The following FANCB variants were observed in gnomAD, a reference collection of about 807,000 sequenced individuals.
FANCB encodes FA complementation group B.
A neutral mutation model predicts 38.9 loss-of-function variants in FANCB; 5 were observed. That is an observed-to-expected ratio of 0.13 (90% CI 0.07 to 0.27). FANCB has a LOEUF of 0.27. Ranked by LOEUF, FANCB falls within the 10% of genes least tolerant of loss-of-function variation. The pLI is 1.00. For missense variants in FANCB, 573 were observed against 602.7 expected (o/e 0.95, Z 0.52); for synonymous variants, 236 against 215.4 (o/e 1.10, Z -0.84).
At chrX:14,702,110 G>A in the FANCB span, among the ~76,000 whole-genome samples, 12 of 111,745 alleles carry the variant, frequency 1.1e-4, no homozygotes, top group Admixed American at 6.6e-4. Context: ...CTGAGGAAAC[G>A]GTTATGCAGA....
chrX:14,706,395 ATACTAT>A, the FANCB span, among the ~76,000 whole-genome samples: 1 of 112,604 alleles, frequency 8.9e-6, no homozygotes, highest in Non-Finnish European at 1.9e-5. Flanking sequence ...AAAACAAGGC[ATACTAT>A]TACTATTAAG....
At chrX:14,765,096 T>C in the FANCB span, among the ~76,000 whole-genome samples, 1 of 112,224 alleles carries the variant, frequency 8.9e-6, no homozygotes, top group Non-Finnish European at 1.9e-5. Flanking sequence ...TATCTGAAAT[T>C]CAAATTTAAC....
intron 3 of FANCB, among the ~76,000 whole-genome samples, chrX:14,860,834 A>G (rs2092443513): frequency 9.0e-6 from 1 of 111,289 alleles, no homozygotes; most frequent in African/African-American, 3.3e-5. Context: ...ACAACACACC[A>G]ATAGCTATGC....
rs148257882 is a variant in FANCB, at chrX:14,843,736, T to C, written c.2411A>G (p.Asp804Gly). Residue 804 changes from aspartate (D) to glycine (G), a missense_variant, in exon 10 of 10, where the codon GAC (aspartate) becomes GGC (glycine). Physicochemically the swap from Asp to Gly is moderately conservative, Grantham distance 94 (BLOSUM62 -1). Coordinates refer to ENST00000650831, the MANE Select transcript of FANCB (RefSeq NM_001018113.3). ...GTAGGGATGGATATTTTCCCTTCTG[T>C]CTGATAAAGCAGCCGCGACGACACT... The part of the protein sequence containing the change: ...KSSVVAAALS[D>G]RRENIHPYRK... 4.7e-5 allele frequency: 57 copies of C among 1,209,400 alleles called. No individual in the cohort carries two copies. The highest frequency in any genetic ancestry group is 4.2e-4 in the African/African-American group (24 of 57,074).
chrX:14,859,903 G>A (rs1316220343), intron 3 of FANCB, among the ~76,000 whole-genome samples: 1 of 111,317 alleles, frequency 9.0e-6, no homozygotes, highest in African/African-American at 3.3e-5. Flanking sequence ...ATAGAGTCAA[G>A]ATGAGCTTAA....
At chrX:14,800,254 G>A in the FANCB span, among the ~76,000 whole-genome samples, 2 of 111,817 alleles carry the variant, frequency 1.8e-5, no homozygotes, top group African/African-American at 3.2e-5. Flanking sequence ...ATGGAAGGCC[G>A]ACAAACTGTT....
At chrX:14,842,626 A>G (rs905585237), downstream of FANCB, among the ~76,000 whole-genome samples, 9 of 112,004 alleles carry the variant, frequency 8.0e-5, no homozygotes, top group African/African-American at 2.9e-4. Context: ...CCCCTTATAA[A>G]TCACTTCTTA....
At chrX:14,794,053 T>G in the FANCB span, among the ~76,000 whole-genome samples, 1 of 111,848 alleles carries the variant, frequency 8.9e-6, no homozygotes, top group African/African-American at 3.2e-5. Context: ...TTGTTTGTTT[T>G]TTGTAGGCTC....
At chrX:14,829,535 G>A in the FANCB span, among the ~76,000 whole-genome samples, 1 of 110,994 alleles carries the variant, frequency 9.0e-6, no homozygotes, top group African/African-American at 3.3e-5. Context: ...TGTTTAGTAT[G>A]GCTACCTTTA....
intron 7 of FANCB, among the ~76,000 whole-genome samples, chrX:14,850,167 C>T (rs193129145): frequency 3.6e-4 from 40 of 111,141 alleles, no homozygotes; most frequent in African/African-American, 1.2e-3. Flanking sequence ...CTGGCCAACA[C>T]GGCAAAACTC....
chrX:14,851,778 CA>C (rs746944435), intron 6 of FANCB, among the ~76,000 whole-genome samples: 5 of 112,294 alleles, frequency 4.5e-5, no homozygotes, highest in African/African-American at 1.6e-4. Flanking sequence ...ACAATTTTAA[CA>C]ATGACTTTCA....
the FANCB span, among the ~76,000 whole-genome samples, chrX:14,733,365 T>A: frequency 1.8e-5 from 2 of 111,922 alleles, no homozygotes; most frequent in Non-Finnish European, 3.8e-5. Context: ...TCTTTTTTGG[T>A]TCCATATGAA....
chrX:14,847,651 GAA>G (rs755588273), intron 7 of FANCB, among the ~76,000 whole-genome samples: 1 of 90,475 alleles, frequency 1.1e-5, no homozygotes. Context: ...TCTAAAGGAG[GAA>G]AAAAAAAAAA....
chrX:14,704,592 T>C, the FANCB span, among the ~76,000 whole-genome samples: 2 of 112,048 alleles, frequency 1.8e-5, no homozygotes, highest in Admixed American at 1.9e-4. Context: ...GGGGACAATA[T>C]GCTTAAATGG....
At chrX:14,808,479 T>C in the FANCB span, among the ~76,000 whole-genome samples, 4 of 112,110 alleles carry the variant, frequency 3.6e-5, no homozygotes, top group Non-Finnish European at 5.6e-5. Flanking sequence ...ATCATTTCAA[T>C]TGATGCTAAA....
chrX:14,775,160 GTTTTTTTTTTTTTT>G, the FANCB span, among the ~76,000 whole-genome samples: 1 of 35,001 alleles, frequency 2.9e-5, no homozygotes, highest in Non-Finnish European at 6.0e-5. Flanking sequence ...TTTCTCTAAT[GTTTTTTTTTTTTTT>G]TTTTTTTTTT....
chrX:14,857,751 T>C (rs1200018192), intron 5 of FANCB, 111 bp downstream of exon 5: 3 of 577,272 alleles, frequency 5.2e-6, no homozygotes, highest in African/African-American at 4.5e-5. Flanking sequence ...TGAAATACCA[T>C]TTTTACCCAA....
At chrX:14,855,260 G>A (rs184091687) in intron 5 of FANCB, among the ~76,000 whole-genome samples, 1 of 112,166 alleles carries the variant, frequency 8.9e-6, no homozygotes, top group East Asian at 2.8e-4. Context: ...ATGGACTCTA[G>A]TTCTAGCTCT....
intron 2 of FANCB, among the ~76,000 whole-genome samples, chrX:14,866,133 A>G (rs2092468903): frequency 9.0e-6 from 1 of 111,240 alleles, no homozygotes; most frequent in South Asian, 3.7e-4. Context: ...CCAGGAATAA[A>G]AATAGGAGAT....
Sources: allele counts gnomAD v4.1 joint callset (sites outside exome capture counted in the v4.1 genomes callset), GRCh38; gene constraint gnomAD v4.1.1; transcripts MANE v1.5; gene names NCBI Gene and HGNC (gene_info 2026-07-23, HGNC 2026-07-21).